FAM114A2: variants seen among roughly 807,000 people sequenced by gnomAD.
FAM114A2 encodes protein FAM114A2.
Under a neutral mutation model 58.4 loss-of-function variants are expected in FAM114A2, and 53 were observed. The observed-to-expected ratio is 0.91, with a 90% CI of 0.73 to 1.14. FAM114A2 has a LOEUF of 1.14. FAM114A2 is among the 50% of genes most tolerant of loss of function. The pLI, the probability that FAM114A2 is intolerant of heterozygous loss-of-function variation, is 0.00. For synonymous variants in FAM114A2, 228 were observed against 211.4 expected, an observed-to-expected ratio of 1.08 and a Z score of -0.68; for missense variants, 601 against 581.1, an observed-to-expected ratio of 1.03 and a Z score of -0.35.
intron 7 of FAM114A2, among the ~76,000 whole-genome samples, 160 bp from the exon 8 acceptor site, chr5:154,026,682 T>G (rs1206091234): frequency 6.6e-5 from 10 of 152,152 alleles, no homozygotes; most frequent in Admixed American, 6.5e-4. Flanking sequence ...AGAGGCTGGT[T>G]ATGACAGAAA....
chr5:154,031,140 C>T (rs907299459), intron 4 of FAM114A2, among the ~76,000 whole-genome samples: 1 of 151,638 alleles, frequency 6.6e-6, no homozygotes, highest in African/African-American at 2.4e-5. Context: ...AGCAAAACCT[C>T]ACCTCTATTA....
At chr5:154,030,274 T>C (rs993904182) in intron 4 of FAM114A2, among the ~76,000 whole-genome samples, 1 of 152,206 alleles carries the variant, frequency 6.6e-6, no homozygotes, top group South Asian at 2.1e-4. Context: ...AAGATAGGTA[T>C]GTTTCAAAAC....
intron 11 of FAM114A2, among the ~76,000 whole-genome samples, chr5:153,999,571 T>C (rs1389438263): frequency 6.6e-6 from 1 of 151,296 alleles, no homozygotes; most frequent in Non-Finnish European, 1.5e-5. Context: ...GAGGCAGAGG[T>C]TGCAGTGAAC....
intron 5 of FAM114A2, among the ~76,000 whole-genome samples, 165 bp from the exon 6 acceptor site, chr5:154,028,448 G>A (rs1209806757): frequency 2.0e-5 from 3 of 152,118 alleles, no homozygotes; most frequent in Non-Finnish European, 4.4e-5. Flanking sequence ...ACGTAAATAG[G>A]TATAACCACA....
intron 4 of FAM114A2, among the ~76,000 whole-genome samples, chr5:154,032,418 A>G (rs79950382): frequency 0.01 from 1,566 of 152,268 alleles, 39 homozygotes; most frequent in African/African-American, 0.035. Flanking sequence ...TCTGTGGTAG[A>G]TATCTTTCAG....
intron 4 of FAM114A2, among the ~76,000 whole-genome samples, chr5:154,030,725 C>T (rs1772131787): frequency 6.6e-6 from 1 of 152,192 alleles, no homozygotes; most frequent in Non-Finnish European, 1.5e-5. Context: ...TAAGAATCCG[C>T]ATAGGCATGC....
chr5:154,006,138 G>C (rs1238632628), intron 9 of FAM114A2, among the ~76,000 whole-genome samples: 1 of 152,204 alleles, frequency 6.6e-6, no homozygotes, highest in African/African-American at 2.4e-5. Context: ...AAAATGCAAA[G>C]TGTGTAGGCA....
chr5:154,022,742 T>A (rs1474823165), intron 8 of FAM114A2, among the ~76,000 whole-genome samples: 1 of 152,188 alleles, frequency 6.6e-6, no homozygotes, highest in African/African-American at 2.4e-5. Flanking sequence ...TCCTCAAGGA[T>A]CTAGAACTAG....
In FAM114A2 at chr5:153,991,403, A is replaced by G. The variant is rs1769241765; in HGVS notation, c.*1573T>C. 2 of 152,220 alleles carry G rather than the reference A, an allele frequency of 1.3e-5. No individual in the cohort carries two copies. Among genetic ancestry groups the G allele is most frequent in the African/African-American group, 4.8e-5 (2 of 41,450 alleles). 9.4% of individuals were successfully genotyped at this position (152,220 alleles called of 1,614,324 possible). Reference sequence around the variant, plus strand: ...AGACACATCAACCAAGCTTGAGGCAACAATTCAGAACTGGTGACACCAGCC... The same window carrying G: ...AGACACATCAACCAAGCTTGAGGCAGCAATTCAGAACTGGTGACACCAGCC... On this transcript the variant is annotated 3_prime_UTR_variant, in exon 14 of 14. Coordinates refer to ENST00000351797, the MANE Select transcript of FAM114A2 (RefSeq NM_018691.4).
intron 8 of FAM114A2, among the ~76,000 whole-genome samples, chr5:154,024,655 G>T (rs1441498478): frequency 6.6e-6 from 1 of 151,994 alleles, no homozygotes; most frequent in African/African-American, 2.4e-5. Flanking sequence ...CTCAACAAGT[G>T]GTCGTTTCTT....
intron 12 of FAM114A2, among the ~76,000 whole-genome samples, chr5:153,997,031 TA>T (rs1769614192): frequency 6.7e-6 from 1 of 148,590 alleles, no homozygotes; most frequent in African/African-American, 2.5e-5. Context: ...AAAAAAGATG[TA>T]CATTAGGGAA....
Position 153,992,724 on chromosome 5 carries a change from T to G in FAM114A2, c.*252A>C, listed in dbSNP as rs1769310254. On this transcript the variant is annotated 3_prime_UTR_variant, in exon 14 of 14. Transcript: ENST00000351797. Reference sequence around the variant, plus strand: ...GTGTCCCACTAATCTTTATCTAGAGTTATTATTCTTGGACTTTCTACAAAA... The same window carrying G: ...GTGTCCCACTAATCTTTATCTAGAGGTATTATTCTTGGACTTTCTACAAAA... 2 of 296,876 alleles carry G rather than the reference T, an allele frequency of 6.7e-6. No homozygotes were observed. Among genetic ancestry groups the G allele is most frequent in the Non-Finnish European group, 1.2e-5 (2 of 162,658 alleles). 18.4% of individuals were successfully genotyped at this position (296,876 alleles called of 1,614,324 possible).
intron 12 of FAM114A2, 77 bp downstream of exon 12, chr5:153,997,725 AG>A: frequency 7.8e-6 from 7 of 902,600 alleles, no homozygotes; most frequent in Non-Finnish European, 1.1e-5. Context: ...GTACACTTAA[AG>A]TGAGCAAATT....
chr5:153,998,003 A>G, intron 11 of FAM114A2, 128 bp from the exon 12 acceptor site: 1 of 579,978 alleles, frequency 1.7e-6, no homozygotes, highest in South Asian at 2.6e-5. Flanking sequence ...TTTTCAAGGG[A>G]GTAAATACAG....
At position 154,033,876 on chromosome 5, in the gene FAM114A2, G is replaced by C; in HGVS notation, c.318C>G (p.Gly106=). The C allele has an allele frequency of 6.2e-7, 1 of 1,601,560 alleles. No individual in the cohort carries two copies. ...ASATVATVGQ[G]ISNVIEKAET... ...CTGCCTTCTCGATGACATTTGAAAT[G>C]CCTTGTCCTAATGAGAAAAATAACT... The change falls in exon 4 of 14, where the codon GGC becomes GGG. Residue 106 remains glycine (G), a synonymous_variant. Coordinates refer to ENST00000351797, the MANE Select transcript of FAM114A2 (RefSeq NM_018691.4).
Position 154,026,505 on chromosome 5 carries a change from A to C in FAM114A2, c.807T>G (p.Asn269Lys). Residue 269 changes from asparagine to lysine, a missense_variant, in exon 8 of 14, where the codon AAT (asparagine) becomes AAG (lysine). By Grantham distance (94) the Asn-to-Lys change is moderately conservative. Coordinates refer to ENST00000351797, the MANE Select transcript of FAM114A2 (RefSeq NM_018691.4). ...ESEIKVKSIL[N>K]SLSGEELETL... ...TCTCTAATTCTTCTCCACTCAGAGA[A>C]TTAAGGATAGATTTCACCTGAATGG... 6.5e-7 allele frequency: 1 copy of C among 1,533,372 alleles called. No individual in the cohort carries two copies. The highest frequency in any genetic ancestry group is 8.8e-7 in the Non-Finnish European group (1 of 1,141,744). 95.0% of individuals were successfully genotyped at this position (1,533,372 alleles called of 1,614,324 possible). A position where few individuals can be genotyped will look rare whatever the true frequency, so the allele number is the denominator to read the frequency against.
intron 11 of FAM114A2, among the ~76,000 whole-genome samples, chr5:153,998,222 A>T (rs1769715844): frequency 6.6e-6 from 1 of 152,236 alleles, no homozygotes; most frequent in African/African-American, 2.4e-5. Flanking sequence ...ATATCCACAG[A>T]ACCCACTCAT....
At chr5:154,001,447 T>C (rs1769965112) in intron 11 of FAM114A2, among the ~76,000 whole-genome samples, 1 of 152,130 alleles carries the variant, frequency 6.6e-6, no homozygotes, top group Admixed American at 6.5e-5. Flanking sequence ...TTTAGGGTTG[T>C]GAGTCTCTCA....
chr5:154,022,618 T>C (rs1771498596), intron 8 of FAM114A2, among the ~76,000 whole-genome samples: 3 of 152,162 alleles, frequency 2.0e-5, no homozygotes, highest in South Asian at 4.1e-4. Context: ...ATGGCGATCA[T>C]TAAAAAGTCA....
Sources: gnomAD v4.1 joint callset for allele counts (sites outside exome capture counted in the v4.1 genomes callset) on GRCh38, gnomAD v4.1.1 for gene constraint, MANE v1.5 for transcripts, NCBI Gene and HGNC (gene_info 2026-07-23, HGNC 2026-07-21) for gene names.